The following CDH4 variants were observed in gnomAD, a reference collection of about 807,000 sequenced individuals.
CDH4 encodes cadherin-4.
A neutral mutation model predicts 86.0 loss-of-function variants in CDH4; 33 were observed. That is an observed-to-expected ratio of 0.38 (90% CI 0.29 to 0.51). CDH4 has a LOEUF of 0.51. Ranked by LOEUF, CDH4 falls within the 20% of genes least tolerant of loss-of-function variation. The pLI, the probability that CDH4 is intolerant of heterozygous loss-of-function variation, is 0.86. For synonymous variants in CDH4, 555 were observed against 549.4 expected (o/e 1.01, Z -0.14); for missense variants, 1,114 against 1,307.4 (o/e 0.85, Z 2.28).
At chr20:61,606,922 C>T (rs1568710103) in intron 2 of CDH4, among the ~76,000 whole-genome samples, 1 of 152,212 alleles carries the variant, frequency 6.6e-6, no homozygotes, top group Admixed American at 6.5e-5. Context: ...CCAGGGTGGC[C>T]AGAAATGATT....
At chr20:61,303,094 A>G (rs1048612512) in intron 2 of CDH4, among the ~76,000 whole-genome samples, 3 of 152,210 alleles carry the variant, frequency 2.0e-5, no homozygotes, top group African/African-American at 7.2e-5. Flanking sequence ...AAGTGTTCAC[A>G]TTAAGCCATG....
chr20:61,804,302 G>A (rs1980003753), intron 4 of CDH4, among the ~76,000 whole-genome samples: 1 of 152,234 alleles, frequency 6.6e-6, no homozygotes, highest in Admixed American at 6.5e-5. Flanking sequence ...GCCACATGGT[G>A]CAGGTGAGGA....
chr20:61,705,398 T>G (rs1568766958), intron 2 of CDH4, among the ~76,000 whole-genome samples: 1 of 152,236 alleles, frequency 6.6e-6, no homozygotes, highest in Admixed American at 6.5e-5. Context: ...CGTTCAGCCC[T>G]TCATCTCTGG....
chr20:61,844,735 C>T lies in CDH4; in HGVS notation c.644C>T (p.Pro215Leu). The T allele has an allele frequency of 1.2e-6, 2 of 1,614,050 alleles. No individual in the cohort carries two copies. Among genetic ancestry groups the T allele is most frequent in the Non-Finnish European group, 1.7e-6 (2 of 1,179,936 alleles). Reference sequence around the variant, plus strand: ...ATCACGGGAGTGGGCGCCGACCAGCCCCCCATGGAGGTCTTCAGCATTGAC... The same window carrying T: ...ATCACGGGAGTGGGCGCCGACCAGCTCCCCATGGAGGTCTTCAGCATTGAC... ...YSITGVGADQ[P>L]PMEVFSIDSM... is the part of the protein sequence containing the mutation. Residue 215 changes from proline to leucine, a missense_variant, in exon 5 of 16, where the codon CCC becomes CTC. By Grantham distance (98) the Pro-to-Leu change is moderately conservative. Transcript: ENST00000614565.
chr20:61,383,555 G>GAAT (rs1555844244), intron 2 of CDH4, among the ~76,000 whole-genome samples: 3 of 61,696 alleles, frequency 4.9e-5, no homozygotes, highest in East Asian at 6.7e-4. Flanking sequence ...GAATATATAT[G>GAAT]ATATATGATA....
intron 2 of CDH4, among the ~76,000 whole-genome samples, chr20:61,619,891 G>A (rs2086755975): frequency 6.6e-6 from 1 of 152,374 alleles, no homozygotes; most frequent in African/African-American, 2.4e-5. Flanking sequence ...GCTGGGGCCT[G>A]ACGGCCGAGC....
At chr20:61,285,574 T>TGGC (rs1462729627) in intron 2 of CDH4, among the ~76,000 whole-genome samples, 1 of 152,250 alleles carries the variant, frequency 6.6e-6, no homozygotes, top group Non-Finnish European at 1.5e-5. Context: ...CAGATAATGA[T>TGGC]GGCACCATAA....
At chr20:61,543,877 C>T (rs2086057701) in intron 2 of CDH4, among the ~76,000 whole-genome samples, 1 of 152,220 alleles carries the variant, frequency 6.6e-6, no homozygotes, top group African/African-American at 2.4e-5. Flanking sequence ...GCAGGTGGCC[C>T]TCCTCCCAGG....
chr20:61,821,661 T>C (rs1009349524), intron 4 of CDH4, among the ~76,000 whole-genome samples: 8 of 152,274 alleles, frequency 5.3e-5, no homozygotes, highest in African/African-American at 1.9e-4. Context: ...CCCCGGGTTT[T>C]GGGCTTACAC....
intron 2 of CDH4, among the ~76,000 whole-genome samples, chr20:61,419,506 T>G (rs1383758251): frequency 6.6e-6 from 1 of 152,108 alleles, no homozygotes; most frequent in Non-Finnish European, 1.5e-5. Flanking sequence ...TGGGGTAGCT[T>G]TCCAGTCGGC....
At chr20:61,520,355 C>T (rs777037904) in intron 2 of CDH4, among the ~76,000 whole-genome samples, 2 of 152,216 alleles carry the variant, frequency 1.3e-5, no homozygotes, top group Non-Finnish European at 2.9e-5. Flanking sequence ...GAACCACACC[C>T]TTGGGTTGAA....
chr20:61,280,404 G>A (rs981630138), intron 2 of CDH4, among the ~76,000 whole-genome samples: 6 of 152,308 alleles, frequency 3.9e-5, no homozygotes, highest in East Asian at 1.9e-4. Context: ...CGTGTGACGC[G>A]TGTGAGGACG....
chr20:61,780,370 A>G (rs1244836438), intron 4 of CDH4, among the ~76,000 whole-genome samples: 2 of 152,130 alleles, frequency 1.3e-5, no homozygotes, highest in African/African-American at 4.8e-5. Context: ...GGCCTTCCCA[A>G]GGGGCCAGGG....
At chr20:61,453,660 T>A (rs1282029414) in intron 2 of CDH4, among the ~76,000 whole-genome samples, 1 of 152,208 alleles carries the variant, frequency 6.6e-6, no homozygotes, top group Non-Finnish European at 1.5e-5. Flanking sequence ...TTTGATTCTA[T>A]GTATTTAAAA....
chr20:61,833,229 C>T (rs922427090), intron 4 of CDH4, among the ~76,000 whole-genome samples: 4 of 152,058 alleles, frequency 2.6e-5, no homozygotes, highest in Admixed American at 6.5e-5. Context: ...CTGACGTTTC[C>T]AATGGACGAG....
intron 2 of CDH4, among the ~76,000 whole-genome samples, chr20:61,331,632 C>CCCGGCCA (rs2084576569): frequency 8.3e-6 from 1 of 120,752 alleles, no homozygotes; most frequent in Non-Finnish European, 1.9e-5. Flanking sequence ...CACCTCCTGC[C>CCCGGCCA]CCAGACCCAC....
chr20:61,468,359 A>C (rs1480485800), intron 2 of CDH4, among the ~76,000 whole-genome samples: 2 of 54,674 alleles, frequency 3.7e-5, no homozygotes, highest in Non-Finnish European at 6.6e-5. Flanking sequence ...GGGTAAGGTT[A>C]AATTCTTTCT....
intron 2 of CDH4, among the ~76,000 whole-genome samples, chr20:61,494,939 C>A (rs1196201846): frequency 1.3e-5 from 2 of 152,222 alleles, no homozygotes; most frequent in Non-Finnish European, 2.9e-5. Context: ...TTGGCGTGGG[C>A]CCTCCGCCAG....
At chr20:61,620,923 T>C (rs1260366035) in intron 2 of CDH4, among the ~76,000 whole-genome samples, 3 of 152,244 alleles carry the variant, frequency 2.0e-5, no homozygotes. Context: ...TGAGAGGCGC[T>C]TCTTCCACGC....
Sources: gnomAD v4.1 joint callset for allele counts (sites outside exome capture counted in the v4.1 genomes callset) on GRCh38, gnomAD v4.1.1 for gene constraint, MANE v1.5 for transcripts, NCBI Gene and HGNC (gene_info 2026-07-23, HGNC 2026-07-21) for gene names.